TMEFF1: variants seen among roughly 807,000 people sequenced by gnomAD.
TMEFF1 encodes tomoregulin-1.
TMEFF1 carries 20 observed loss-of-function variants against 47.5 expected under a neutral mutation model. The ratio of observed to expected loss-of-function variants is 0.42; its 90% CI spans 0.30 to 0.61. The LOEUF is 0.61. TMEFF1 is among the 20% of genes least tolerant of loss of function. The pLI is 0.19. For synonymous variants in TMEFF1, 162 were observed against 166.3 expected (o/e 0.97, Z 0.20); for missense variants, 411 against 471.1 (o/e 0.87, Z 1.18).
chr9:100,544,231 C>T (rs1048810272), intron 5 of TMEFF1, among the ~76,000 whole-genome samples: 2 of 151,938 alleles, frequency 1.3e-5, no homozygotes, highest in Non-Finnish European at 2.9e-5. Context: ...TTGTGTTAGT[C>T]TGTTTTCACA....
chr9:100,530,855 G>A (rs1461933322), intron 5 of TMEFF1, among the ~76,000 whole-genome samples: 3 of 151,972 alleles, frequency 2.0e-5, no homozygotes, highest in South Asian at 4.1e-4. Flanking sequence ...CTGGCAAAAC[G>A]AATCCAGCAG....
rs1442300170 is a variant in TMEFF1 at position 100,487,360 on chromosome 9, G to T, written c.197-11405G>T. The stretch of plus-strand genomic sequence containing the variant: ...CTTCTGTATTTTTAGTACAGATGGG[G>T]TTTCACCATGTTTGCTAGGCTGGTC... On this transcript the variant is annotated intron_variant, in intron 1 of 9. Transcript: ENST00000374879. Among the ~76,000 whole-genome samples the T allele has an allele frequency of 2.0e-5, 3 of 152,070 alleles. No homozygotes were observed. The East Asian group carries it at 5.8e-4, about 29-fold the overall frequency.
chr9:100,550,147 A>G lies in TMEFF1; in HGVS notation c.762A>G (p.Arg254=), dbSNP rs761185573. The G allele has an allele frequency of 2.5e-6, 4 of 1,612,374 alleles. No individual in the cohort carries two copies. In the South Asian group the frequency reaches 4.4e-5, roughly 18 times the overall value. ...AGAAAGATGATGGACTACAATATCGACCAGATGTGAAAGGTACTGAATCAT... is the reference window on the plus strand; with the variant it reads ...AGAAAGATGATGGACTACAATATCGGCCAGATGTGAAAGGTACTGAATCAT... ...LGKKDDGLQY[R]PDVKDASDQR... is the part of the protein sequence containing the mutation. The change falls in exon 7 of 10, where the codon CGA becomes CGG. Residue 254 remains arginine (R), a synonymous_variant. Coordinates refer to ENST00000374879, the MANE Select transcript of TMEFF1 (RefSeq NM_003692.5).
chr9:100,511,386 G>A (rs1383489615), intron 3 of TMEFF1, among the ~76,000 whole-genome samples: 2 of 152,132 alleles, frequency 1.3e-5, no homozygotes, highest in East Asian at 1.9e-4. Flanking sequence ...CTTATTTACT[G>A]TGTGACCTTG....
chr9:100,516,207 G>T (rs1349633841), intron 4 of TMEFF1, among the ~76,000 whole-genome samples: 1 of 152,072 alleles, frequency 6.6e-6, no homozygotes, highest in Admixed American at 6.6e-5. Flanking sequence ...TAGTTTTTAT[G>T]TAGTTAGAAA....
intron 3 of TMEFF1, among the ~76,000 whole-genome samples, chr9:100,511,018 G>A (rs1837954763): frequency 6.6e-6 from 1 of 152,128 alleles, no homozygotes; most frequent in Admixed American, 6.5e-5. Context: ...GTATGACGTA[G>A]GTTACCTTCC....
intron 1 of TMEFF1, among the ~76,000 whole-genome samples, chr9:100,491,713 T>C (rs2118288387): frequency 6.6e-6 from 1 of 152,308 alleles, no homozygotes; most frequent in African/African-American, 2.4e-5. Context: ...TCCTTTTGTC[T>C]TGGTCCCATA....
At chr9:100,520,486 T>A (rs1424226759) in intron 5 of TMEFF1, among the ~76,000 whole-genome samples, 8 of 152,230 alleles carry the variant, frequency 5.3e-5, no homozygotes, top group Admixed American at 3.9e-4. Flanking sequence ...GTTAAAAAAA[T>A]CTGGCATTTT....
intron 9 of TMEFF1, among the ~76,000 whole-genome samples, 154 bp downstream of exon 9, chr9:100,572,830 C>T (rs192804380): frequency 5.3e-5 from 8 of 152,024 alleles, no homozygotes; most frequent in Admixed American, 2.6e-4. Context: ...CTTTAGGATA[C>T]GGGCAGGGAC....
intron 5 of TMEFF1, among the ~76,000 whole-genome samples, chr9:100,537,094 C>G (rs1352025857): frequency 6.6e-6 from 1 of 152,092 alleles, no homozygotes. Flanking sequence ...GGGTTTCAGA[C>G]AATAGTGGTG....
intron 5 of TMEFF1, among the ~76,000 whole-genome samples, chr9:100,524,456 A>G (rs1238388947): frequency 6.6e-6 from 1 of 152,188 alleles, no homozygotes; most frequent in East Asian, 1.9e-4. Flanking sequence ...AGCTCCTCAG[A>G]GAGTTTACAA....
chr9:100,484,209 T>G (rs1837402498), intron 1 of TMEFF1, among the ~76,000 whole-genome samples: 1 of 152,362 alleles, frequency 6.6e-6, no homozygotes, highest in Admixed American at 6.5e-5. Context: ...AAGTAATTGA[T>G]ATCTGTGCTA....
At chr9:100,476,653 A>T (rs1033949768) in intron 1 of TMEFF1, among the ~76,000 whole-genome samples, 9 of 151,104 alleles carry the variant, frequency 6.0e-5, no homozygotes, top group Non-Finnish European at 1.2e-4. Context: ...TCGGCCTCCC[A>T]AAGTGTTGAG....
chr9:100,498,201 A>T (rs1837693781), intron 1 of TMEFF1, among the ~76,000 whole-genome samples: 1 of 152,130 alleles, frequency 6.6e-6, no homozygotes, highest in African/African-American at 2.4e-5. Flanking sequence ...TAAGATTTTG[A>T]ATCTCTTTAA....
intron 5 of TMEFF1, among the ~76,000 whole-genome samples, chr9:100,524,022 C>T (rs1401695898): frequency 1.3e-5 from 2 of 152,136 alleles, no homozygotes. Flanking sequence ...TGAAAGGTCT[C>T]ACTTCCACCC....
At chr9:100,518,624 GTGTT>G (rs1305528645) in intron 5 of TMEFF1, 1 of 407,506 alleles carries the variant, frequency 2.5e-6, no homozygotes, top group Non-Finnish European at 3.3e-6. Flanking sequence ...TTAAGCTAAA[GTGTT>G]TGATCCTTCT....
intron 7 of TMEFF1, among the ~76,000 whole-genome samples, chr9:100,560,582 G>T (rs902665016): frequency 5.3e-5 from 8 of 152,266 alleles, no homozygotes; most frequent in Middle Eastern, 3.4e-3. Context: ...GAGAATGAAT[G>T]AGTGAATGAA....
intron 1 of TMEFF1, among the ~76,000 whole-genome samples, chr9:100,478,430 C>T (rs947647982): frequency 1.3e-5 from 2 of 152,140 alleles, no homozygotes; most frequent in African/African-American, 4.8e-5. Context: ...AGGTGATTCT[C>T]AGCCTCCTCA....
intron 5 of TMEFF1, among the ~76,000 whole-genome samples, chr9:100,538,113 C>T (rs893164946): frequency 3.3e-5 from 5 of 151,822 alleles, no homozygotes; most frequent in African/African-American, 4.8e-5. Flanking sequence ...AGTGCATTGG[C>T]GCAGTATCAG....
Sources: gnomAD v4.1 joint callset for allele counts (sites outside exome capture counted in the v4.1 genomes callset) on GRCh38, gnomAD v4.1.1 for gene constraint, MANE v1.5 for transcripts, NCBI Gene and HGNC (gene_info 2026-07-23, HGNC 2026-07-21) for gene names.